MYOM1: variants seen among roughly 807,000 people sequenced by gnomAD.
MYOM1 encodes myomesin-1.
MYOM1 carries 164 observed loss-of-function variants against 205.3 expected under a neutral mutation model. That is an observed-to-expected ratio of 0.80 (90% confidence interval 0.70 to 0.91). The LOEUF (loss-of-function observed/expected upper bound fraction) is 0.91. MYOM1 is among the 40% of genes least tolerant of loss of function. The pLI, the probability that MYOM1 is intolerant of heterozygous loss-of-function variation, is 0.00. For missense variants in MYOM1, 2,011 were observed against 2,127.3 expected, an observed-to-expected ratio of 0.95 and a Z score of 1.08; for synonymous variants, 772 against 789.4, an observed-to-expected ratio of 0.98 and a Z score of 0.37.
At chr18:3,086,184 A>C in intron 29 of MYOM1, 33 bp from the exon 30 acceptor site, 1 of 1,380,060 alleles carries the variant, frequency 7.2e-7, no homozygotes, top group Non-Finnish European at 1.0e-6. Flanking sequence ...TTTTCTTAAA[A>C]TAAGAAAGTG....
In MYOM1 at chr18:3,152,404, G is replaced by A. The variant is rs1395103165; in HGVS notation, c.1644-511C>T. ...CCTCACTTCATGGTCATTCCATCCT[G>A]TGTAGAGGGTAAGAAGGTTATTGTG... On this transcript the variant is annotated intron_variant, in intron 11 of 37. Coordinates refer to ENST00000356443, the MANE Select transcript of MYOM1 (RefSeq NM_003803.4). The surrounding 1 kb of genome is among the most constrained non-coding windows in gnomAD (Gnocchi z 4.3). Among the ~76,000 whole-genome samples the A allele has an allele frequency of 6.6e-6, 1 of 152,204 alleles. No homozygotes were observed. The highest frequency in any genetic ancestry group is 1.5e-5 in the Non-Finnish European group (1 of 68,040).
At chr18:3,210,603 G>C (rs1247042289) in intron 2 of MYOM1, among the ~76,000 whole-genome samples, 1 of 152,166 alleles carries the variant, frequency 6.6e-6, no homozygotes, top group Non-Finnish European at 1.5e-5. Context: ...TAGAATTTGT[G>C]TCCTTCCATC....
At chr18:3,184,873 CTG>C (rs2080788723) in intron 5 of MYOM1, among the ~76,000 whole-genome samples, 1 of 152,208 alleles carries the variant, frequency 6.6e-6, no homozygotes, top group South Asian at 2.1e-4. Context: ...AAGCTTGTCT[CTG>C]TGTCTTCCCT....
At chr18:3,148,673 C>T (rs1202204136) in intron 13 of MYOM1, among the ~76,000 whole-genome samples, 1 of 151,596 alleles carries the variant, frequency 6.6e-6, no homozygotes, top group Admixed American at 6.6e-5. Flanking sequence ...CGGTGAAATC[C>T]CGTCTCTACT....
chr18:3,127,966 C>G (rs2079819555), intron 18 of MYOM1, among the ~76,000 whole-genome samples: 1 of 152,130 alleles, frequency 6.6e-6, no homozygotes, highest in Non-Finnish European at 1.5e-5. Flanking sequence ...CAGCTTTTCA[C>G]TCAACTACTG....
At chr18:3,120,136 C>T in intron 19 of MYOM1, 141 bp from the exon 20 acceptor site, 1 of 1,180,146 alleles carries the variant, frequency 8.5e-7, no homozygotes, top group Non-Finnish European at 1.1e-6. Flanking sequence ...CTTTTGTAAT[C>T]TCCTGGGTGT....
rs145924495 is a variant in MYOM1, at chr18:3,121,115, T to G, written c.2992-1120A>C. 5.8e-3 allele frequency among the ~76,000 whole-genome samples: 888 copies of G among 151,908 alleles called. 10 individuals are homozygous for G. The highest frequency in any genetic ancestry group is 0.021 in the African/African-American group (853 of 41,388). Reference sequence around the variant, plus strand: ...CTCAAAAATGGGAAAGAGAGAAAAGTTGATTAATAGACATGGAAGATAGAA... The same window carrying G: ...CTCAAAAATGGGAAAGAGAGAAAAGGTGATTAATAGACATGGAAGATAGAA... On this transcript the variant is annotated intron_variant, in intron 19 of 37. Coordinates refer to ENST00000356443, the MANE Select transcript of MYOM1 (RefSeq NM_003803.4).
intron 14 of MYOM1, among the ~76,000 whole-genome samples, chr18:3,136,147 AC>A (rs1033069026): frequency 2.0e-5 from 3 of 152,094 alleles, no homozygotes; most frequent in Non-Finnish European, 4.4e-5. Flanking sequence ...ACCGTGTAAG[AC>A]GTGCCTTTCG....
chr18:3,185,509 G>A (rs1422688059), intron 5 of MYOM1, among the ~76,000 whole-genome samples: 3 of 151,962 alleles, frequency 2.0e-5, no homozygotes. Context: ...GTTATTGTTT[G>A]TGCATTTCTA....
At chr18:3,072,350 C>CTTGTTTTTTTTTTTTTTTT (rs2078968711) in intron 36 of MYOM1, among the ~76,000 whole-genome samples, 2 of 56,226 alleles carry the variant, frequency 3.6e-5, no homozygotes, top group African/African-American at 1.9e-4. Flanking sequence ...CCGCACCCGG[C>CTTGTTTTTTTTTTTTTTTT]TTTTTTTTTT....
intron 22 of MYOM1, among the ~76,000 whole-genome samples, chr18:3,106,101 A>G (rs1467706563): frequency 1.1e-4 from 17 of 152,186 alleles, no homozygotes. Context: ...CGTTTACATC[A>G]TATTAGGTAT....
At chr18:3,244,880 C>A in the MYOM1 span, among the ~76,000 whole-genome samples, 1 of 145,588 alleles carries the variant, frequency 6.9e-6, no homozygotes, top group Non-Finnish European at 1.5e-5. Flanking sequence ...GCCTGGGCGA[C>A]AGAGTGAGAC....
chr18:3,103,072 G>A (rs940126427), intron 22 of MYOM1, among the ~76,000 whole-genome samples: 1 of 151,472 alleles, frequency 6.6e-6, no homozygotes, highest in South Asian at 2.1e-4. Flanking sequence ...GAGAAAGTCC[G>A]CATGCAATCA....
At chr18:3,156,808 A>G (rs917161528) in intron 10 of MYOM1, among the ~76,000 whole-genome samples, 8 of 152,004 alleles carry the variant, frequency 5.3e-5, no homozygotes, top group South Asian at 4.2e-4. Context: ...ATGGGGATTC[A>G]CCGTATTAGC....
intron 19 of MYOM1, among the ~76,000 whole-genome samples, chr18:3,121,324 AC>A (rs2079688491): frequency 6.6e-6 from 1 of 152,124 alleles, no homozygotes; most frequent in Admixed American, 6.6e-5. Context: ...TTAAAAACCC[AC>A]ATCTAGACCT....
rs531888759 is a variant in MYOM1, at chr18:3,077,185, C to CA, written c.4649-1425dup. Among the ~76,000 whole-genome samples the CA allele has an allele frequency of 1.1e-3, 173 of 151,800 alleles. 1 individual carries two copies. The highest frequency in any genetic ancestry group is 3.8e-3 in the African/African-American group (159 of 41,360). ...GTGCCACCACACCTAGCTATTTTTA[C>CA]ATTTTTTTTATTTTGTAGAGACAGG... On this transcript the variant is annotated intron_variant, in intron 34 of 37. Coordinates refer to ENST00000356443, the MANE Select transcript of MYOM1 (RefSeq NM_003803.4).
chr18:3,124,303 C>CTTTTT (rs34118507), intron 19 of MYOM1, among the ~76,000 whole-genome samples: 2 of 130,902 alleles, frequency 1.5e-5, no homozygotes, highest in African/African-American at 3.0e-5. Context: ...TTTCTTTTTT[C>CTTTTT]TTTTTTTTTT....
chr18:3,202,046 C>A (rs1247267067), intron 2 of MYOM1, among the ~76,000 whole-genome samples: 2 of 151,914 alleles, frequency 1.3e-5, no homozygotes, highest in Admixed American at 6.6e-5. Flanking sequence ...GACAACAGTG[C>A]AAAGGAGGGA....
At chr18:3,215,352 G>GC in intron 1 of MYOM1, 101 bp from the exon 2 acceptor site, 1 of 975,518 alleles carries the variant, frequency 1.0e-6, no homozygotes, top group South Asian at 1.7e-5. Flanking sequence ...TTGGCTGGGT[G>GC]CGGTGGTTCA....
Sources: gnomAD v4.1 joint callset for allele counts (sites outside exome capture counted in the v4.1 genomes callset) on GRCh38, gnomAD v4.1.1 for gene constraint, Gnocchi (gnomAD v3.1) non-coding constraint, MANE v1.5 for transcripts, NCBI Gene and HGNC (gene_info 2026-07-23, HGNC 2026-07-21) for gene names.